Variants in SMYD3 observed in about 807,000 individuals in gnomAD.
SMYD3 encodes the protein SET and MYND domain containing 3.
SMYD3 carries 36 observed loss-of-function variants against 57.7 expected under a neutral mutation model. The ratio of observed to expected loss-of-function variants is 0.62; its 90% CI spans 0.48 to 0.82. The LOEUF (loss-of-function observed/expected upper bound fraction) is 0.82, where lower values mean the gene tolerates loss of function less well. Ranked by LOEUF, SMYD3 falls within the 40% of genes least tolerant of loss-of-function variation. SMYD3 has a pLI of 0.00. For missense variants in SMYD3, 515 were observed against 538.8 expected (o/e 0.96, Z 0.44); for synonymous variants, 211 against 195.0 (o/e 1.08, Z -0.68).
At chr1:245,806,900 G>A (rs865842972) in intron 10 of SMYD3, among the ~76,000 whole-genome samples, 8 of 107,874 alleles carry the variant, frequency 7.4e-5, no homozygotes, top group Admixed American at 1.4e-4. Context: ...CTGGGCGACA[G>A]AGCGAGACTC....
intron 5 of SMYD3, among the ~76,000 whole-genome samples, chr1:246,283,267 A>G (rs1436126262): frequency 1.3e-5 from 2 of 152,216 alleles, no homozygotes. Context: ...CATTGCCAAG[A>G]GTGTAACAGT....
intron 1 of SMYD3, among the ~76,000 whole-genome samples, chr1:246,408,141 T>C (rs576180688): frequency 1.3e-5 from 2 of 152,128 alleles, no homozygotes; most frequent in East Asian, 3.9e-4. Flanking sequence ...CTTAATATTA[T>C]CACCTTAGGG....
At chr1:245,980,367 T>C (rs971926221) in intron 5 of SMYD3, among the ~76,000 whole-genome samples, 5 of 152,162 alleles carry the variant, frequency 3.3e-5, no homozygotes, top group African/African-American at 1.2e-4. Context: ...GTGAGATCCC[T>C]GAGGGCAGGA....
chr1:246,101,668 G>A (rs1003981503), intron 5 of SMYD3, among the ~76,000 whole-genome samples: 3 of 152,154 alleles, frequency 2.0e-5, no homozygotes, highest in Non-Finnish European at 4.4e-5. Context: ...TTAGGTTCTT[G>A]TTCTCAAGTT....
At chr1:245,914,997 A>G (rs2055298329) in intron 8 of SMYD3, among the ~76,000 whole-genome samples, 1 of 152,148 alleles carries the variant, frequency 6.6e-6, no homozygotes, top group African/African-American at 2.4e-5. Flanking sequence ...TTTTTGGGAA[A>G]CGAAACCATT....
intron 8 of SMYD3, among the ~76,000 whole-genome samples, chr1:245,869,312 AATG>A (rs1429074226): frequency 1.3e-5 from 2 of 152,218 alleles, no homozygotes; most frequent in African/African-American, 4.8e-5. Flanking sequence ...TGATCGAGAG[AATG>A]AAGAACCTGC....
chr1:246,122,061 T>TA (rs2061432710), intron 5 of SMYD3, among the ~76,000 whole-genome samples: 1 of 131,108 alleles, frequency 7.6e-6, no homozygotes, highest in African/African-American at 3.5e-5. Flanking sequence ...AAGAAAAGAC[T>TA]AATTAAAAAA....
chr1:246,162,916 T>C (rs2148206180), intron 5 of SMYD3, among the ~76,000 whole-genome samples: 1 of 152,326 alleles, frequency 6.6e-6, no homozygotes, highest in East Asian at 1.9e-4. Context: ...AAGTACATAA[T>C]CCCTTCAGCA....
At chr1:246,506,987 A>ACCCCCCCCCCCCCC in intron 1 of SMYD3, 67 bp downstream of exon 1, 13 of 634,674 alleles carry the variant, frequency 2.0e-5, no homozygotes, top group South Asian at 4.4e-5. Context: ...CGGCCGCCCG[A>ACCCCCCCCCCCCCC]CGCCCCCCCC....
intron 10 of SMYD3, among the ~76,000 whole-genome samples, chr1:245,807,087 C>G (rs1173507249): frequency 6.6e-6 from 1 of 152,066 alleles, no homozygotes; most frequent in Non-Finnish European, 1.5e-5. Context: ...CTCACTCCTC[C>G]TCCCACGCAG....
At chr1:246,054,945 G>A (rs2060123966) in intron 5 of SMYD3, among the ~76,000 whole-genome samples, 2 of 151,152 alleles carry the variant, frequency 1.3e-5, no homozygotes, top group South Asian at 2.1e-4. Context: ...GGAGGCCGAG[G>A]CGGGCGGATC....
At chr1:246,302,285 G>C (rs144496524) in intron 5 of SMYD3, among the ~76,000 whole-genome samples, 118 of 152,214 alleles carry the variant, frequency 7.8e-4, no homozygotes, top group African/African-American at 2.7e-3. Context: ...CCTAGCAATG[G>C]GGGGAGACCA....
chr1:246,093,605 C>T (rs552028343), intron 5 of SMYD3, among the ~76,000 whole-genome samples: 16 of 151,850 alleles, frequency 1.1e-4, no homozygotes, highest in Non-Finnish European at 2.1e-4. Flanking sequence ...TCAGCGGCTG[C>T]GAACAGTAGT....
intron 5 of SMYD3, among the ~76,000 whole-genome samples, chr1:246,209,781 C>T (rs1487138119): frequency 1.3e-5 from 2 of 152,166 alleles, no homozygotes; most frequent in East Asian, 3.9e-4. Flanking sequence ...TACCCCTCCC[C>T]ACTAAGGAAT....
chr1:246,138,656 ACCT>A, intron 5 of SMYD3, among the ~76,000 whole-genome samples: 1 of 144,692 alleles, frequency 6.9e-6, no homozygotes, highest in African/African-American at 2.4e-5. Flanking sequence ...CGATCTCCTG[ACCT>A]CGTGATCCGC....
intron 5 of SMYD3, among the ~76,000 whole-genome samples, chr1:246,033,770 G>A (rs1307078259): frequency 1.3e-5 from 2 of 152,100 alleles, no homozygotes; most frequent in Non-Finnish European, 2.9e-5. Flanking sequence ...CTGGGCAACA[G>A]AGTGAGACTC....
Position 246,410,214 on chromosome 1 carries a change from A to G in SMYD3, c.165-55120T>C, listed in dbSNP as rs376039601. On this transcript the variant is annotated intron_variant, in intron 1 of 11. Transcript: ENST00000490107. ...CAGAATTTCCAACACTATATTGAATAGGAGTGGTGAGAGAGGGCATCCCTC... is the reference window on the plus strand; with the variant it reads ...CAGAATTTCCAACACTATATTGAATGGGAGTGGTGAGAGAGGGCATCCCTC... Among the ~76,000 whole-genome samples, 3 of 152,284 alleles carry G rather than the reference A, an allele frequency of 2.0e-5. No homozygotes were observed. The East Asian group carries it at 5.8e-4, about 29-fold the overall frequency.
chr1:245,796,290 T>C (rs926888898), intron 10 of SMYD3, among the ~76,000 whole-genome samples: 1 of 152,162 alleles, frequency 6.6e-6, no homozygotes, highest in African/African-American at 2.4e-5. Context: ...TAAAACCTTA[T>C]TGGGACGAAT....
intron 10 of SMYD3, among the ~76,000 whole-genome samples, chr1:245,764,526 C>A (rs1191715233): frequency 6.6e-6 from 1 of 152,126 alleles, no homozygotes; most frequent in African/African-American, 2.4e-5. Flanking sequence ...ACTAGCACAG[C>A]CCTGGAACAG....
Sources: gnomAD v4.1 joint callset for allele counts (sites outside exome capture counted in the v4.1 genomes callset) on GRCh38, gnomAD v4.1.1 for gene constraint, MANE v1.5 for transcripts, NCBI Gene and HGNC (gene_info 2026-07-23, HGNC 2026-07-21) for gene names.